The following FHIT variants were observed in gnomAD, a reference collection of about 807,000 sequenced individuals.
FHIT encodes the protein fragile histidine triad diadenosine triphosphatase, also known as bis(5'-adenosyl)-triphosphatase.
Under a neutral mutation model 17.9 loss-of-function variants are expected in FHIT, and 19 were observed. The observed-to-expected ratio is 1.06, with a 90% CI of 0.74 to 1.56. FHIT has a LOEUF of 1.56. FHIT is among the 40% of genes most tolerant of loss of function. FHIT has a pLI of 0.00. For synonymous variants in FHIT, 81 were observed against 69.7 expected, an observed-to-expected ratio of 1.16 and a Z score of -0.81; for missense variants, 248 against 189.2, an observed-to-expected ratio of 1.31 and a Z score of -1.82.
intron 3 of FHIT, among the ~76,000 whole-genome samples, chr3:60,961,334 T>A (rs1350865392): frequency 6.6e-6 from 1 of 152,218 alleles, no homozygotes; most frequent in Non-Finnish European, 1.5e-5. Flanking sequence ...TATTAGCCCT[T>A]TGTCAGATGC....
chr3:59,816,683 TC>T (rs1429494162), intron 8 of FHIT, among the ~76,000 whole-genome samples: 2 of 152,162 alleles, frequency 1.3e-5, no homozygotes, highest in African/African-American at 4.8e-5. Flanking sequence ...CTGAGAGATT[TC>T]TATTCCCTAA....
intron 3 of FHIT, among the ~76,000 whole-genome samples, chr3:60,968,927 A>G (rs1169433131): frequency 2.0e-5 from 3 of 152,156 alleles, no homozygotes; most frequent in Non-Finnish European, 4.4e-5. Flanking sequence ...CCAACTTGAT[A>G]ATGATATATT....
intron 2 of FHIT, among the ~76,000 whole-genome samples, chr3:61,137,136 TAGCA>T (rs949854400): frequency 2.0e-5 from 3 of 152,134 alleles, no homozygotes; most frequent in African/African-American, 7.2e-5. Context: ...CTCCATTGCT[TAGCA>T]CTGCAGACTC....
intron 5 of FHIT, among the ~76,000 whole-genome samples, chr3:60,261,642 G>A (rs1706306289): frequency 6.6e-6 from 1 of 151,972 alleles, no homozygotes; most frequent in Admixed American, 6.6e-5. Context: ...ATATTTAATG[G>A]ATAAGCTTGA....
chr3:59,994,564 C>T (rs750572131), intron 7 of FHIT, among the ~76,000 whole-genome samples: 2 of 152,140 alleles, frequency 1.3e-5, no homozygotes, highest in African/African-American at 2.4e-5. Context: ...AAGGAACGTA[C>T]TTCCACTGCC....
At chr3:60,348,612 A>G (rs895339541) in intron 5 of FHIT, among the ~76,000 whole-genome samples, 1 of 152,020 alleles carries the variant, frequency 6.6e-6, no homozygotes, top group African/African-American at 2.4e-5. Flanking sequence ...GGACTTGGCA[A>G]TAAGTCACAG....
At chr3:61,107,178 A>G (rs945973709) in intron 2 of FHIT, among the ~76,000 whole-genome samples, 5 of 152,088 alleles carry the variant, frequency 3.3e-5, no homozygotes, top group Non-Finnish European at 5.9e-5. Context: ...CTCTGCCTCT[A>G]TGAGTTTGAC....
At chr3:61,205,123 C>T (rs1012419602) in intron 1 of FHIT, among the ~76,000 whole-genome samples, 1 of 152,092 alleles carries the variant, frequency 6.6e-6, no homozygotes, top group African/African-American at 2.4e-5. Context: ...TTTCCAGCTT[C>T]ATCCATGTCC....
chr3:60,136,657 T>A (rs974813892), intron 5 of FHIT, among the ~76,000 whole-genome samples: 2 of 152,048 alleles, frequency 1.3e-5, no homozygotes, highest in Admixed American at 6.5e-5. Context: ...TTACCTTACC[T>A]TACATAGGAC....
At chr3:60,269,494 A>C (rs1706757368) in intron 5 of FHIT, among the ~76,000 whole-genome samples, 1 of 152,244 alleles carries the variant, frequency 6.6e-6, no homozygotes, top group Admixed American at 6.5e-5. Context: ...TGAGAACACA[A>C]AAGTTGCTTT....
At chr3:60,657,833 T>A (rs1407328744) in intron 4 of FHIT, among the ~76,000 whole-genome samples, 1 of 152,196 alleles carries the variant, frequency 6.6e-6, no homozygotes, top group African/African-American at 2.4e-5. Context: ...GGCCTGCCTT[T>A]AGGTACATTT....
chr3:61,041,445 G>T (rs1019121594), intron 3 of FHIT, among the ~76,000 whole-genome samples: 1 of 151,478 alleles, frequency 6.6e-6, no homozygotes, highest in African/African-American at 2.4e-5. Context: ...AAGTCTGTGC[G>T]AGTCATCATT....
intron 5 of FHIT, among the ~76,000 whole-genome samples, chr3:60,383,848 T>G (rs989049366): frequency 3.3e-5 from 5 of 152,166 alleles, no homozygotes; most frequent in Non-Finnish European, 4.4e-5. Context: ...TCATCAACCT[T>G]TAAATACTGT....
intron 5 of FHIT, among the ~76,000 whole-genome samples, chr3:60,353,849 GT>G (rs2106955501): frequency 6.6e-6 from 1 of 152,218 alleles, no homozygotes; most frequent in East Asian, 1.9e-4. Context: ...TATAAGAAGT[GT>G]GTAAAGAAGT....
chr3:59,999,011 T>A (rs192401485), intron 7 of FHIT, among the ~76,000 whole-genome samples: 4 of 152,152 alleles, frequency 2.6e-5, no homozygotes, highest in South Asian at 2.1e-4. Flanking sequence ...ATGGATTTGA[T>A]AATTTGCTAA....
intron 3 of FHIT, among the ~76,000 whole-genome samples, chr3:60,865,144 G>T (rs189241192): frequency 6.6e-6 from 1 of 152,102 alleles, no homozygotes; most frequent in Non-Finnish European, 1.5e-5. Context: ...GTACCTAAGA[G>T]GGAATGCATG....
intron 5 of FHIT, among the ~76,000 whole-genome samples, chr3:60,262,652 A>T (rs747148454): frequency 6.6e-6 from 1 of 151,928 alleles, no homozygotes; most frequent in East Asian, 1.9e-4. Context: ...CTCAGGATTG[A>T]TTAGCTAAGA....
At chr3:60,313,534 T>G (rs909536089) in intron 5 of FHIT, among the ~76,000 whole-genome samples, 2 of 152,204 alleles carry the variant, frequency 1.3e-5, no homozygotes, top group African/African-American at 4.8e-5. Context: ...ACCCTGTCAC[T>G]TTATACAAAT....
At chr3:60,145,353 G>C (rs1366478237) in intron 5 of FHIT, among the ~76,000 whole-genome samples, 1 of 152,158 alleles carries the variant, frequency 6.6e-6, no homozygotes, top group African/African-American at 2.4e-5. Context: ...ACTTGGGCTT[G>C]TACATTATTC....
Sources: gnomAD v4.1 joint callset for allele counts (sites outside exome capture counted in the v4.1 genomes callset) on GRCh38, gnomAD v4.1.1 for gene constraint, MANE v1.5 for transcripts, NCBI Gene and HGNC (gene_info 2026-07-23, HGNC 2026-07-21) for gene names.